The following TAOK3 variants were observed in gnomAD, a reference collection of about 807,000 sequenced individuals.
The protein encoded by TAOK3 is TAO kinase 3.
A neutral mutation model predicts 120.4 loss-of-function variants in TAOK3; 40 were observed. The ratio of observed to expected loss-of-function variants is 0.33; its 90% CI spans 0.26 to 0.43. The LOEUF is 0.43. Ranked by LOEUF, TAOK3 falls within the 20% of genes least tolerant of loss-of-function variation. TAOK3 has a pLI of 1.00. For missense variants in TAOK3, 821 were observed against 1,112.1 expected (o/e 0.74, Z 3.72); for synonymous variants, 355 against 387.5 (o/e 0.92, Z 0.99).
intron 1 of TAOK3, among the ~76,000 whole-genome samples, chr12:118,336,289 A>G (rs1406050754): frequency 1.3e-5 from 2 of 152,238 alleles, no homozygotes; most frequent in African/African-American, 2.4e-5. Context: ...AAATAGACAT[A>G]CACGGATATG....
Position 118,244,961 on chromosome 12 carries a change from G to C in TAOK3, c.125C>G (p.Thr42Arg). ...HGSFGAVYFA[T>R]NAHTSEVVAI... ...CACCACCTCACTGGTGTGAGCATTT[G>C]TAGCCTGTGTTAAGAGGGTAGAAGA... Residue 42 changes from threonine (T) to arginine (R), a missense_variant, in exon 4 of 21, where the codon ACA (threonine) becomes AGA (arginine). Thr to Arg is a moderately conservative substitution (Grantham distance 71, BLOSUM62 -1). Coordinates refer to ENST00000392533, the MANE Select transcript of TAOK3 (RefSeq NM_016281.4). The C allele has an allele frequency of 6.2e-7, 1 of 1,605,514 alleles. No homozygotes were observed. The highest frequency in any genetic ancestry group is 1.7e-4 in the Middle Eastern group (1 of 6,024).
At chr12:118,156,418 T>C (rs887961854) in intron 19 of TAOK3, among the ~76,000 whole-genome samples, 7 of 152,164 alleles carry the variant, frequency 4.6e-5, no homozygotes, top group Admixed American at 1.3e-4. Flanking sequence ...GGTCCTTAAA[T>C]GTGGGTGTTC....
intron 1 of TAOK3, among the ~76,000 whole-genome samples, chr12:118,307,169 G>T (rs953126923): frequency 5.3e-5 from 8 of 152,112 alleles, no homozygotes; most frequent in Admixed American, 1.3e-4. Context: ...GAAGCAATGA[G>T]GTTTTGAGCA....
chr12:118,215,033 C>T (rs1373627295), intron 9 of TAOK3, among the ~76,000 whole-genome samples: 2 of 151,634 alleles, frequency 1.3e-5, no homozygotes, highest in Non-Finnish European at 2.9e-5. Flanking sequence ...GCATGCGCCA[C>T]TGCGCCCGGC....
chr12:118,338,577 G>A (rs1375847530), intron 1 of TAOK3, among the ~76,000 whole-genome samples: 1 of 151,384 alleles, frequency 6.6e-6, no homozygotes, highest in Middle Eastern at 3.2e-3. Context: ...CACAAGGTCA[G>A]GAGCTCGAGA....
intron 1 of TAOK3, among the ~76,000 whole-genome samples, chr12:118,317,363 A>G (rs2043513035): frequency 7.4e-6 from 1 of 136,044 alleles, no homozygotes; most frequent in African/African-American, 2.8e-5. Context: ...CAGTGGCGCG[A>G]TCTTGGCTCA....
At chr12:118,272,924 C>T (rs61945220) in intron 1 of TAOK3, among the ~76,000 whole-genome samples, 15,317 of 151,750 alleles carry the variant, frequency 0.1, 963 homozygotes, top group Non-Finnish European at 0.14. Context: ...TATAGTGAGC[C>T]GAGATTGTGC....
At position 118,246,498 on chromosome 12, in the gene TAOK3, C is replaced by A. The variant is rs1400050176; in HGVS notation, c.121-1533G>T. 8.3e-6 allele frequency: 13 copies of A among 1,561,186 alleles called. No individual in the cohort carries two copies. In the African/African-American group the frequency reaches 1.2e-4, roughly 15 times the overall value. ...CGGGGACTACAATGGCCACGTCGGT[C>A]TGGGTGTTAAGTGCTCCAAGGAGGT... On this transcript the variant is annotated intron_variant, in intron 3 of 20. Transcript: ENST00000392533.
In TAOK3 at chr12:118,201,287, T is replaced by G. The variant is rs750756141; in HGVS notation, c.987+9A>C. On this transcript the variant is annotated intron_variant, in intron 12 of 20. Transcript: ENST00000392533. The stretch of plus-strand genomic sequence containing the variant: ...TCTATAAGTGCCTGCTAAAATAAAT[T>G]GAACCTACTTCCTCATCCTCCTGTG... 8.1e-6 allele frequency: 13 copies of G among 1,609,722 alleles called. No homozygotes were observed. In the South Asian group the frequency reaches 1.4e-4, roughly 18 times the overall value.
At chr12:118,181,208 C>A (rs1015043829) in intron 15 of TAOK3, among the ~76,000 whole-genome samples, 163 bp downstream of exon 15, 2 of 152,080 alleles carry the variant, frequency 1.3e-5, no homozygotes, top group East Asian at 3.9e-4. Flanking sequence ...TAGCTCTGAA[C>A]GACAATTTTA....
At chr12:118,257,350 G>C (rs1048401456) in intron 2 of TAOK3, among the ~76,000 whole-genome samples, 1 of 152,022 alleles carries the variant, frequency 6.6e-6, no homozygotes, top group African/African-American at 2.4e-5. Context: ...TGAAATCAAA[G>C]TTTCTATTAA....
chr12:118,217,040 T>A (rs1436371308), intron 9 of TAOK3, among the ~76,000 whole-genome samples: 1 of 152,218 alleles, frequency 6.6e-6, no homozygotes, highest in East Asian at 1.9e-4. Flanking sequence ...CACTTTCTAA[T>A]TCATAATCTG....
chr12:118,182,522 T>C (rs537142582), intron 14 of TAOK3, among the ~76,000 whole-genome samples: 60 of 150,936 alleles, frequency 4.0e-4, no homozygotes, highest in African/African-American at 1.4e-3. Context: ...TTGCCAAATG[T>C]TCCCTTGGGA....
chr12:118,266,875 C>T (rs1268348524), intron 1 of TAOK3, 116 bp from the exon 2 acceptor site: 1 of 372,048 alleles, frequency 2.7e-6, no homozygotes, highest in Non-Finnish European at 4.8e-6. Flanking sequence ...AAAATTTTAT[C>T]TTCATCTGTT....
At chr12:118,308,554 A>T (rs1041870270) in intron 1 of TAOK3, among the ~76,000 whole-genome samples, 3 of 152,176 alleles carry the variant, frequency 2.0e-5, no homozygotes, top group African/African-American at 7.2e-5. Flanking sequence ...GGATAGCAGC[A>T]TGTTTCCCAG....
intron 1 of TAOK3, among the ~76,000 whole-genome samples, chr12:118,270,448 T>C (rs2041648700): frequency 6.6e-6 from 1 of 151,930 alleles, no homozygotes. Context: ...AGAATAACAA[T>C]AATAATAATA....
chr12:118,349,280 G>A (rs1414197623), intron 1 of TAOK3, among the ~76,000 whole-genome samples: 1 of 152,252 alleles, frequency 6.6e-6, no homozygotes, highest in East Asian at 1.9e-4. Context: ...CCAAGAGAAT[G>A]GAAAAATATG....
At chr12:118,250,384 G>A (rs1788558803) in intron 3 of TAOK3, among the ~76,000 whole-genome samples, 1 of 152,186 alleles carries the variant, frequency 6.6e-6, no homozygotes, top group Admixed American at 6.5e-5. Context: ...TACAAGAGCT[G>A]TTCCAGCTTA....
At chr12:118,254,782 G>A (rs2040908637) in intron 3 of TAOK3, among the ~76,000 whole-genome samples, 1 of 151,962 alleles carries the variant, frequency 6.6e-6, no homozygotes, top group South Asian at 2.1e-4. Context: ...TTTTGAGACG[G>A]AGTCTCACTC....
Sources: allele counts gnomAD v4.1 joint callset (sites outside exome capture counted in the v4.1 genomes callset), GRCh38; gene constraint gnomAD v4.1.1; transcripts MANE v1.5; gene names NCBI Gene and HGNC (gene_info 2026-07-23, HGNC 2026-07-21).